STAP2: variants seen among roughly 807,000 people sequenced by gnomAD.
STAP2 encodes signal transducing adaptor family member 2, also known as signal-transducing adaptor protein 2.
Under a neutral mutation model 52.7 loss-of-function variants are expected in STAP2, and 58 were observed. That is an observed-to-expected ratio of 1.10 (90% CI 0.89 to 1.37). The LOEUF (loss-of-function observed/expected upper bound fraction) is 1.37. STAP2 is among the 40% of genes most tolerant of loss of function. The pLI is 0.00. For synonymous variants in STAP2, 231 were observed against 210.5 expected, an observed-to-expected ratio of 1.10 and a Z score of -0.84; for missense variants, 522 against 519.4, an observed-to-expected ratio of 1.00 and a Z score of -0.05.
intron 9 of STAP2, among the ~76,000 whole-genome samples, chr19:4,326,129 T>C (rs1971788895): frequency 1.3e-5 from 2 of 151,872 alleles, no homozygotes; most frequent in Non-Finnish European, 2.9e-5. Flanking sequence ...ATGAGTGCGT[T>C]TTGCCCGTGT....
At chr19:4,338,613 G>A (rs367701469) in intron 1 of STAP2, 39 bp downstream of exon 1, 30 of 1,346,198 alleles carry the variant, frequency 2.2e-5, no homozygotes, top group Non-Finnish European at 2.5e-5. Flanking sequence ...AGCTCCCCAC[G>A]GTGGCCCAGC....
Position 4,333,700 on chromosome 19 carries a change from C to T in STAP2, c.291G>A (p.Lys97=). The T allele has an allele frequency of 3.1e-6, 5 of 1,611,944 alleles. No homozygotes were observed. Among genetic ancestry groups the T allele is most frequent in the Non-Finnish European group, 3.4e-6 (4 of 1,179,858 alleles). ...CCTCCAGCAAGGGACCTACCTTGAACTTGATCTCCTGATCCCGGAGAATCA... is the reference window on the plus strand; with the variant it reads ...CCTCCAGCAAGGGACCTACCTTGAATTTGATCTCCTGATCCCGGAGAATCA... ...FSLILRDQEI[K]FKVETLECRE... Residue 97 remains lysine (K), a synonymous_variant, in exon 3 of 13, where the codon AAG becomes AAA. Coordinates refer to ENST00000594605, the MANE Select transcript of STAP2 (RefSeq NM_001013841.2).
chr19:4,330,295 C>T (rs541831942), intron 4 of STAP2, among the ~76,000 whole-genome samples: 5 of 151,768 alleles, frequency 3.3e-5, no homozygotes, highest in East Asian at 1.9e-4. Context: ...CCGAGGCGGG[C>T]GGATCACCTA....
intron 4 of STAP2, among the ~76,000 whole-genome samples, chr19:4,331,019 A>G (rs1185200149): frequency 6.6e-6 from 1 of 151,432 alleles, no homozygotes; most frequent in Non-Finnish European, 1.5e-5. Context: ...GGCCAATGTC[A>G]GCTAATTTTT....
chr19:4,326,138 G>A (rs1971789120), intron 9 of STAP2, among the ~76,000 whole-genome samples: 1 of 151,678 alleles, frequency 6.6e-6, no homozygotes, highest in South Asian at 2.1e-4. Flanking sequence ...TTTTGCCCGT[G>A]TATCTACACG....
At chr19:4,330,754 C>G (rs1416423770) in intron 4 of STAP2, among the ~76,000 whole-genome samples, 3 of 128,874 alleles carry the variant, frequency 2.3e-5, no homozygotes, top group Admixed American at 9.0e-5. Flanking sequence ...TTAGTTCTGT[C>G]ACCAAGCTGG....
rs765139853 is a variant in STAP2, at chr19:4,329,949, C to T, written c.455+12G>A. 3.1e-6 allele frequency: 5 copies of T among 1,610,130 alleles called. No homozygotes were observed. Among genetic ancestry groups the T allele is most frequent in the Non-Finnish European group, 4.2e-6 (5 of 1,177,490 alleles). On this transcript the variant is annotated intron_variant, in intron 5 of 12. Transcript: ENST00000594605. The stretch of plus-strand genomic sequence containing the variant: ...CCATCCTGCAGCCCCTCGGGACAGG[C>T]GGGACACTCACGAGGGTGTCTCCAG...
In STAP2 at chr19:4,329,967, G is replaced by A. The variant is rs756495781; in HGVS notation, c.449C>T (p.Thr150Ile). The A allele has an allele frequency of 1.9e-6, 3 of 1,612,900 alleles. No homozygotes were observed. The highest frequency in any genetic ancestry group is 2.5e-6 in the Non-Finnish European group (3 of 1,179,702). ...AKEEARRALE[T>I]PSCFLKVSRL... ...GGACAGGCGGGACACTCACGAGGGT[G>A]TCTCCAGTGCACGGCGCGCCTCCTC... Residue 150 changes from threonine (T) to isoleucine (I), a missense_variant, in exon 5 of 13, where the codon ACA (threonine) becomes ATA (isoleucine). Physicochemically the swap from Thr to Ile is moderately conservative, Grantham distance 89. Coordinates refer to ENST00000594605, the MANE Select transcript of STAP2 (RefSeq NM_001013841.2).
At chr19:4,327,466 G>T in intron 6 of STAP2, 81 bp from the exon 7 acceptor site, 1 of 1,482,472 alleles carries the variant, frequency 6.7e-7, no homozygotes, top group Non-Finnish European at 9.3e-7. Context: ...CCAACTCCAG[G>T]CTCCGCCTCC....
At position 4,330,008 on chromosome 19, in the gene STAP2, A is replaced by G; in HGVS notation, c.408T>C (p.Ser136=). The change falls in exon 5 of 13, where the codon TCT becomes TCC. Residue 136 remains serine, a synonymous_variant. Transcript: ENST00000594605. ...TLLPGHLYMM[S]EVLAKEEARR... is the part of the protein sequence containing the mutation. ...GCGCCTCCTCTTTGGCCAAGACTTCAGACATCATGTATAGGTGCCCAGGAA... is the reference window on the plus strand; with the variant it reads ...GCGCCTCCTCTTTGGCCAAGACTTCGGACATCATGTATAGGTGCCCAGGAA... 1 of 1,613,736 alleles carries G rather than the reference A, an allele frequency of 6.2e-7. No homozygotes were observed. The highest frequency in any genetic ancestry group is 8.5e-7 in the Non-Finnish European group (1 of 1,179,992).
In STAP2 at chr19:4,327,159, G is replaced by A; in HGVS notation, c.728C>T (p.Pro243Leu). 6.2e-7 allele frequency: 1 copy of A among 1,614,212 alleles called. No homozygotes were observed. Among genetic ancestry groups the A allele is most frequent in the South Asian group, 1.1e-5 (1 of 91,080 alleles). The change falls in exon 8 of 13, where the codon CCA becomes CTA. Residue 243 changes from proline (P) to leucine (L), a missense_variant. Pro to Leu is a moderately conservative substitution (Grantham distance 98). Transcript: ENST00000594605. ...CTCGTAGTCCTCGTCTAACAGGAAT[G>A]GCACCAGCGCCTTTTTGGTATGCGA... Reference protein sequence around the residue: ...FVSHTKKALVPFLLDEDYEKV... With the variant: ...FVSHTKKALVLFLLDEDYEKV...
chr19:4,336,954 C>T (rs1424970506), intron 1 of STAP2, among the ~76,000 whole-genome samples: 3 of 152,032 alleles, frequency 2.0e-5, no homozygotes, highest in African/African-American at 7.2e-5. Flanking sequence ...TCTTTCTTAA[C>T]TGCAGTGATC....
chr19:4,326,191 T>C (rs1971790115), intron 9 of STAP2, among the ~76,000 whole-genome samples: 1 of 152,212 alleles, frequency 6.6e-6, no homozygotes, highest in Admixed American at 6.5e-5. Flanking sequence ...TGCATTTATG[T>C]GTACACATGT....
intron 1 of STAP2, 63 bp downstream of exon 1, chr19:4,338,589 C>T (rs936755468): frequency 1.1e-5 from 13 of 1,152,804 alleles, no homozygotes; most frequent in African/African-American, 9.5e-5. Context: ...GACAGGGACT[C>T]AGAGAGGTGC....
At chr19:4,338,023 AAAAG>A (rs1232938841) in intron 1 of STAP2, among the ~76,000 whole-genome samples, 1 of 152,130 alleles carries the variant, frequency 6.6e-6, no homozygotes, top group Admixed American at 6.5e-5. Context: ...GTCTCTAACA[AAAAG>A]AAAGAAAGAA....
rs1181432683 is a variant in STAP2 at position 4,328,673 on chromosome 19, A to G, written c.590+2T>C. 7.2e-7 allele frequency: 1 copy of G among 1,383,678 alleles called. No individual in the cohort carries two copies. 85.7% of individuals were successfully genotyped at this position (1,383,678 alleles called of 1,614,324 possible). On this transcript the variant is annotated splice_donor_variant, in intron 6 of 12. Coordinates refer to ENST00000594605, the MANE Select transcript of STAP2 (RefSeq NM_001013841.2). LOFTEE classifies it high-confidence loss of function. ...CAGGGCTCTCCAGACGCGCATGCGC[A>G]CCCGTTGTGCATCTGCCGCGTGGTG...
chr19:4,325,538 T>C lies in STAP2; in HGVS notation c.837A>G (p.Ala279=). The stretch of plus-strand genomic sequence containing the variant: ...GCGGCTTGGGGCCACCTGTGCAGGG[T>C]GCAGGACCTGATGGGGAAACGTGGT... ...VAPSAPGPGP[A]PCTGGPKPLS... is the part of the protein sequence containing the mutation. Residue 279 remains alanine (A), a synonymous_variant, in exon 10 of 13, where the codon GCA becomes GCG. Coordinates refer to ENST00000594605, the MANE Select transcript of STAP2 (RefSeq NM_001013841.2). The C allele has an allele frequency of 3.2e-6, 5 of 1,583,128 alleles. No homozygotes were observed. Among genetic ancestry groups the C allele is most frequent in the Non-Finnish European group, 4.3e-6 (5 of 1,166,282 alleles).
At chr19:4,328,554 G>C in intron 6 of STAP2, 121 bp downstream of exon 6, 1 of 1,366,496 alleles carries the variant, frequency 7.3e-7, no homozygotes. Context: ...CTCGGCTCTG[G>C]CTCCGTCCCC....
rs1213241390 is a variant in STAP2, at chr19:4,338,734, G to A, written c.20C>T (p.Pro7Leu). The change falls in exon 1 of 13, where the codon CCA becomes CTA. Residue 7 changes from proline (P) to leucine (L), a missense_variant. By Grantham distance (98) the Pro-to-Leu change is moderately conservative (BLOSUM62 -3). Coordinates refer to ENST00000594605, the MANE Select transcript of STAP2 (RefSeq NM_001013841.2). Reference protein sequence around the residue: MASALRPPRVPKPKGVL... With the variant: MASALRLPRVPKPKGVL... ...ACCCTTAGGCTTGGGGACACGGGGT[G>A]GCCTCAGGGCAGAGGCCATGACGGA... The A allele has an allele frequency of 6.2e-7, 1 of 1,613,236 alleles. No homozygotes were observed. Among genetic ancestry groups the A allele is most frequent in the East Asian group, 2.2e-5 (1 of 44,834 alleles).
Sources: allele counts gnomAD v4.1 joint callset (sites outside exome capture counted in the v4.1 genomes callset), GRCh38; gene constraint gnomAD v4.1.1; transcripts MANE v1.5; gene names NCBI Gene and HGNC (gene_info 2026-07-23, HGNC 2026-07-21).